Variants in ABCA4 observed in about 807,000 individuals in gnomAD.
The protein encoded by ABCA4 is ATP binding cassette subfamily A member 4.
ABCA4 carries 196 observed loss-of-function variants against 263.7 expected under a neutral mutation model. The observed-to-expected ratio is 0.74, with a 90% confidence interval of 0.66 to 0.84. The LOEUF (loss-of-function observed/expected upper bound fraction) is 0.84. Ranked by LOEUF, ABCA4 falls within the 40% of genes least tolerant of loss-of-function variation. The pLI, the probability that ABCA4 is intolerant of heterozygous loss-of-function variation, is 0.00. For synonymous variants in ABCA4, 1,133 were observed against 1,094.2 expected (o/e 1.04, Z -0.70); for missense variants, 2,792 against 2,855.1 (o/e 0.98, Z 0.50).
chr1:94,054,980 T>C (rs914842586), intron 16 of ABCA4, 131 bp downstream of exon 16: 2 of 991,904 alleles, frequency 2.0e-6, no homozygotes, highest in African/African-American at 3.2e-5. Flanking sequence ...GATTTTTAAC[T>C]TCTAGATTTA....
Position 94,063,272 on chromosome 1 carries a change from G to A in ABCA4, c.1600C>T (p.Leu534Phe). Residue 534 changes from leucine (L) to phenylalanine (F), a missense_variant, in exon 12 of 50, where the codon CTC becomes TTC. Leu to Phe is a conservative substitution (Grantham distance 22, BLOSUM62 0). Transcript: ENST00000370225. Reference protein sequence around the residue: ...KFESYNDETQLTQRALSLLEE... With the variant: ...KFESYNDETQFTQRALSLLEE... Reference sequence around the variant, plus strand: ...AGTAGAGAGAGGGCACGTTGGGTGAGCTGAGTTTCATCATTGTAGCTTTCA... The same window carrying A: ...AGTAGAGAGAGGGCACGTTGGGTGAACTGAGTTTCATCATTGTAGCTTTCA... 1 of 1,614,172 alleles carries A rather than the reference G, an allele frequency of 6.2e-7. No individual in the cohort carries two copies.
intron 37 of ABCA4, among the ~76,000 whole-genome samples, chr1:94,015,148 GC>G (rs1659692948): frequency 6.6e-6 from 1 of 152,176 alleles, no homozygotes; most frequent in African/African-American, 2.4e-5. Flanking sequence ...GGCTCTACTG[GC>G]CCACAGAGGA....
At chr1:94,008,645 C>A in intron 41 of ABCA4, 106 bp downstream of exon 41, 1 of 1,522,044 alleles carries the variant, frequency 6.6e-7, no homozygotes, top group Non-Finnish European at 9.1e-7. Flanking sequence ...AACTGGGAAC[C>A]AAATTGCTTG....
chr1:94,023,840 G>C (rs765339423), intron 31 of ABCA4, among the ~76,000 whole-genome samples: 1 of 152,110 alleles, frequency 6.6e-6, no homozygotes, highest in Non-Finnish European at 1.5e-5. Flanking sequence ...TCACTCCACA[G>C]CCCAAAGTTA....
chr1:94,004,141 C>T (rs931231636), intron 44 of ABCA4, among the ~76,000 whole-genome samples: 5 of 152,190 alleles, frequency 3.3e-5, no homozygotes, highest in East Asian at 3.9e-4. Flanking sequence ...TTGAGCCTTT[C>T]GGAAGACAGA....
chr1:94,063,420 T>A (rs888169614), intron 11 of ABCA4, 103 bp from the exon 12 acceptor site: 2 of 1,149,322 alleles, frequency 1.7e-6, no homozygotes, highest in African/African-American at 1.5e-5. Context: ...TCCCAGGAAA[T>A]GGTCAAATGC....
intron 5 of ABCA4, among the ~76,000 whole-genome samples, chr1:94,100,244 A>G (rs1662252899): frequency 6.6e-6 from 1 of 152,198 alleles, no homozygotes; most frequent in African/African-American, 2.4e-5. Flanking sequence ...GTGAAACCAG[A>G]GCACTGAAGA....
chr1:94,002,103 G>T, intron 44 of ABCA4, 111 bp from the exon 45 acceptor site: 1 of 1,535,278 alleles, frequency 6.5e-7, no homozygotes, highest in Non-Finnish European at 8.9e-7. Context: ...GAAATCCCCA[G>T]CTAGGCTGAA....
intron 31 of ABCA4, among the ~76,000 whole-genome samples, chr1:94,024,573 C>G (rs1659986304): frequency 6.6e-6 from 1 of 151,994 alleles, no homozygotes; most frequent in African/African-American, 2.4e-5. Context: ...TTTCTTCTAC[C>G]TTTTCCCCTA....
chr1:94,114,766 C>CGTGA (rs1405401822), intron 1 of ABCA4, among the ~76,000 whole-genome samples: 1 of 152,206 alleles, frequency 6.6e-6, no homozygotes, highest in Non-Finnish European at 1.5e-5. Flanking sequence ...GGATTACAGG[C>CGTGA]GTGAGCCACC....
At chr1:94,010,339 T>TG (rs56664345) in intron 40 of ABCA4, among the ~76,000 whole-genome samples, 1 of 151,912 alleles carries the variant, frequency 6.6e-6, no homozygotes, top group African/African-American at 2.4e-5. Flanking sequence ...CCTCCAGGAG[T>TG]GGGGGGTCGT....
intron 14 of ABCA4, 126 bp downstream of exon 14, chr1:94,060,411 G>C: frequency 1.1e-6 from 1 of 887,356 alleles, no homozygotes; most frequent in Non-Finnish European, 1.9e-6. Context: ...CTAAAAGGAA[G>C]GGCTGGGAAG....
Position 94,108,712 on chromosome 1 carries a change from C to T in ABCA4, c.307G>A (p.Ala103Thr), listed in dbSNP as rs1167101620. Reference sequence around the variant, plus strand: ...TCTTGAAAATCTCGATATACCCTTGCCAAGCTGTAAGGACAAAGCCTCATT... The same window carrying T: ...TCTTGAAAATCTCGATATACCCTTGTCAAGCTGTAAGGACAAAGCCTCATT... The part of the protein sequence containing the change: ...IVSNYNNSIL[A>T]RVYRDFQELL... The change falls in exon 4 of 50, where the codon GCA (alanine) becomes ACA (threonine). Residue 103 changes from alanine to threonine, a missense_variant. Ala to Thr is a moderately conservative substitution (Grantham distance 58). Transcript: ENST00000370225. 1.2e-6 allele frequency: 2 copies of T among 1,613,844 alleles called. No individual in the cohort carries two copies. Among genetic ancestry groups the T allele is most frequent in the Admixed American group, 3.3e-5 (2 of 60,000 alleles).
intron 10 of ABCA4, 79 bp downstream of exon 10, chr1:94,078,511 G>A (rs1661596624): frequency 8.8e-7 from 1 of 1,142,104 alleles, no homozygotes; most frequent in African/African-American, 1.5e-5. Context: ...CTCTTTCCTG[G>A]GAAAAGGAAA....
intron 21 of ABCA4, 127 bp from the exon 22 acceptor site, chr1:94,043,025 T>C: frequency 1.4e-6 from 2 of 1,387,728 alleles, no homozygotes; most frequent in African/African-American, 1.4e-5. Context: ...CTTAGATGTT[T>C]ATAGCGTTCA....
At chr1:94,068,289 C>T (rs928577040) in intron 11 of ABCA4, among the ~76,000 whole-genome samples, 3 of 152,270 alleles carry the variant, frequency 2.0e-5, no homozygotes, top group East Asian at 3.9e-4. Flanking sequence ...AAGCTAATCC[C>T]GAATGTCATC....
Position 94,060,541 on chromosome 1 carries a change from A to G in ABCA4, c.2156T>C (p.Ile719Thr), listed in dbSNP as rs1661092952. ...GGCCTTCTCCATTTGGCTTACCATGATGAATATCGTCAGGAGGAAGATGCT... is the reference window on the plus strand; with the variant it reads ...GGCCTTCTCCATTTGGCTTACCATGGTGAATATCGTCAGGAGGAAGATGCT... ...SMSIFLLTIF[I>T]MHGRILHYSD... is the part of the protein sequence containing the mutation. The change falls in exon 14 of 50, where the codon ATC (isoleucine) becomes ACC (threonine). Residue 719 changes from isoleucine to threonine, a missense_variant. Transcript: ENST00000370225. The G allele has an allele frequency of 6.2e-7, 1 of 1,613,772 alleles. No individual in the cohort carries two copies. The highest frequency in any genetic ancestry group is 8.5e-7 in the Non-Finnish European group (1 of 1,179,990).
At chr1:94,106,091 G>T (rs962037317) in intron 4 of ABCA4, among the ~76,000 whole-genome samples, 4 of 152,212 alleles carry the variant, frequency 2.6e-5, no homozygotes, top group Non-Finnish European at 4.4e-5. Context: ...ATGGACCCCT[G>T]TTCCCTCTCA....
intron 3 of ABCA4, among the ~76,000 whole-genome samples, chr1:94,109,145 G>C (rs760091647): frequency 6.8e-6 from 1 of 146,240 alleles, no homozygotes; most frequent in African/African-American, 2.6e-5. Context: ...ATACTGCCAA[G>C]GCAGGAGAAA....
Sources: allele counts gnomAD v4.1 joint callset (sites outside exome capture counted in the v4.1 genomes callset), GRCh38; gene constraint gnomAD v4.1.1; transcripts MANE v1.5; gene names NCBI Gene and HGNC (gene_info 2026-07-23, HGNC 2026-07-21).